The following SLC17A7 variants were observed in gnomAD, a reference collection of about 807,000 sequenced individuals.
The protein encoded by SLC17A7 is vesicular glutamate transporter 1.
SLC17A7 carries 15 observed loss-of-function variants against 59.1 expected under a neutral mutation model. The observed-to-expected ratio is 0.25, with a 90% confidence interval of 0.17 to 0.39. The LOEUF (loss-of-function observed/expected upper bound fraction) is 0.39, where lower values mean the gene tolerates loss of function less well. SLC17A7 is among the 10% of genes least tolerant of loss of function. The pLI, the probability that SLC17A7 is intolerant of heterozygous loss-of-function variation, is 1.00. For synonymous variants in SLC17A7, 353 were observed against 308.9 expected, an observed-to-expected ratio of 1.14 and a Z score of -1.50; for missense variants, 499 against 765.1, an observed-to-expected ratio of 0.65 and a Z score of 4.10.
chr19:49,432,681 G>T (rs763011390), intron 8 of SLC17A7, 30 bp from the exon 9 acceptor site: 1 of 1,606,518 alleles, frequency 6.2e-7, no homozygotes, highest in Non-Finnish European at 8.5e-7. Flanking sequence ...GGGACACTAG[G>T]GTTCGGGGCC....
chr19:49,432,096 C>T (rs1198881240), intron 9 of SLC17A7, among the ~76,000 whole-genome samples: 1 of 152,098 alleles, frequency 6.6e-6, no homozygotes, highest in Non-Finnish European at 1.5e-5. Context: ...TAGATGGGAC[C>T]ACAGGCGCGC....
At chr19:49,434,465 T>A in intron 5 of SLC17A7, 137 bp downstream of exon 5, 1 of 748,340 alleles carries the variant, frequency 1.3e-6, no homozygotes, top group Non-Finnish European at 2.0e-6. Flanking sequence ...GACCTGGGAG[T>A]CCAGGTCCAG....
In SLC17A7 at chr19:49,430,486, C is replaced by A; in HGVS notation, c.*33G>T. The A allele has an allele frequency of 6.6e-7, 1 of 1,505,842 alleles. No homozygotes were observed. 93.3% of individuals were successfully genotyped at this position (1,505,842 alleles called of 1,614,324 possible). ...GGCCAGAGATGAGTGGAATGGAGGT[C>A]CTGGAAACTGCCATTCAGTGGGAGG... On this transcript the variant is annotated 3_prime_UTR_variant, in exon 12 of 12. Transcript: ENST00000221485.
At chr19:49,435,402 T>C in intron 2 of SLC17A7, 116 bp from the exon 3 acceptor site, 1 of 698,424 alleles carries the variant, frequency 1.4e-6, no homozygotes. Flanking sequence ...CCCTCCCACC[T>C]CCAAAAGCCT....
rs748051761 is a variant in SLC17A7 at position 49,433,741 on chromosome 19, G to A, written c.852C>T (p.Leu284=). ...IEDAIGESAK[L]MNPLTKFSTP... ...GGTCCCGGACCGTGAGGGGGTTCAT[G>A]AGTTTCGCGCTCTCTCCGATGGCGT... The change falls in exon 7 of 12, where the codon CTC becomes CTT. Residue 284 remains leucine, a synonymous_variant. Transcript: ENST00000221485. This position sits in a 1 kb window ranked among gnomAD's most constrained non-coding sequence, Gnocchi z 5.7. 13 of 1,614,128 alleles carry A rather than the reference G, an allele frequency of 8.1e-6. No individual in the cohort carries two copies. The highest frequency in any genetic ancestry group is 5.5e-5 in the South Asian group (5 of 91,076).
chr19:49,432,459 C>T, intron 9 of SLC17A7, 60 bp downstream of exon 9: 1 of 1,562,918 alleles, frequency 6.4e-7, no homozygotes, highest in East Asian at 2.3e-5. Flanking sequence ...CATCACCTCT[C>T]AATCCGGCTC....
intron 2 of SLC17A7, 98 bp from the exon 3 acceptor site, chr19:49,435,384 C>T (rs925311548): frequency 1.3e-6 from 1 of 778,618 alleles, no homozygotes; most frequent in Non-Finnish European, 2.2e-6. Context: ...CTATCAGCAA[C>T]GAGGAACCCC....
chr19:49,435,325 C>T (rs2078976065), intron 2 of SLC17A7, 39 bp from the exon 3 acceptor site: 1 of 1,455,836 alleles, frequency 6.9e-7, no homozygotes, highest in Non-Finnish European at 9.6e-7. Context: ...CCGCCCTGTC[C>T]AGGCTCTGCC....
In SLC17A7 at chr19:49,433,653, C is replaced by G; in HGVS notation, c.867+73G>C. On this transcript the variant is annotated intron_variant, in intron 7 of 11. Coordinates refer to ENST00000221485, the MANE Select transcript of SLC17A7 (RefSeq NM_020309.4). This position sits in a 1 kb window ranked among gnomAD's most constrained non-coding sequence, Gnocchi z 5.7. ...CCTCTAGAGTCTGCAGGAACCGTCCCTGATCTACACGCTGTGCAGGTTCGT... is the reference window on the plus strand; with the variant it reads ...CCTCTAGAGTCTGCAGGAACCGTCCGTGATCTACACGCTGTGCAGGTTCGT... 1 of 1,583,314 alleles carries G rather than the reference C, an allele frequency of 6.3e-7. No individual in the cohort carries two copies. Among genetic ancestry groups the G allele is most frequent in the Non-Finnish European group, 8.6e-7 (1 of 1,162,456 alleles).
At position 49,429,488 on chromosome 19, in the gene SLC17A7, G is replaced by A. The variant is rs1361484740; in HGVS notation, c.*1031C>T. On this transcript the variant is annotated 3_prime_UTR_variant, in exon 12 of 12. Coordinates refer to ENST00000221485, the MANE Select transcript of SLC17A7 (RefSeq NM_020309.4). ...AGACACAAAGACACAACCCTGCACT[G>A]GGAAAAAACACCCCTGGCTCCTGCC... The A allele has an allele frequency of 2.5e-6, 1 of 398,920 alleles. No individual in the cohort carries two copies. Among genetic ancestry groups the A allele is most frequent in the Non-Finnish European group, 4.4e-6 (1 of 226,102 alleles). The allele number at this position is 398,920 out of a possible 1,614,324, so 24.7% of individuals were successfully genotyped here.
chr19:49,432,999 G>T (rs1220019585), intron 7 of SLC17A7, 39 bp from the exon 8 acceptor site: 1 of 1,576,612 alleles, frequency 6.3e-7, no homozygotes, highest in Non-Finnish European at 8.6e-7. Context: ...ACGGGGAGCG[G>T]GGCTGAGGGC....
At position 49,435,212 on chromosome 19, in the gene SLC17A7, A is replaced by C. The variant is rs1228128948; in HGVS notation, c.390T>G (p.Thr130=). Residue 130 remains threonine, a synonymous_variant, in exon 3 of 12, where the codon ACT becomes ACG. Transcript: ENST00000221485. ...HGSFFWGYIV[T]QIPGGFICQK... ...GACAGATAAATCCTCCTGGAATCTG[A>C]GTGACAATGTAGCCCCAGAAAAAGG... 6.2e-7 allele frequency: 1 copy of C among 1,614,160 alleles called. No individual in the cohort carries two copies. The highest frequency in any genetic ancestry group is 8.5e-7 in the Non-Finnish European group (1 of 1,180,006).
intron 3 of SLC17A7, 37 bp downstream of exon 3, chr19:49,435,131 T>C: frequency 6.8e-7 from 1 of 1,481,370 alleles, no homozygotes; most frequent in Non-Finnish European, 9.4e-7. Flanking sequence ...CCCACACAAC[T>C]GTAGTTACCG....
At chr19:49,434,098 G>C (rs755280190) in intron 5 of SLC17A7, 52 bp from the exon 6 acceptor site, 11 of 1,212,740 alleles carry the variant, frequency 9.1e-6, no homozygotes, top group African/African-American at 1.5e-5. Context: ...CTCAGATCAA[G>C]GAGTGCGGAC....
In SLC17A7 at chr19:49,441,367, G is replaced by T; in HGVS notation, c.13C>A (p.Gln5Lys). 1 of 1,600,938 alleles carries T rather than the reference G, an allele frequency of 6.2e-7. No individual in the cohort carries two copies. The highest frequency in any genetic ancestry group is 1.1e-5 in the South Asian group (1 of 89,544). ...CCCGCTAGCTTCCGAAACTCCTCCT[G>T]GCGGAACTCCATGGTGGCGGCTCCT... is the stretch of plus-strand genomic sequence containing the variant. MEFR[Q>K]EEFRKLAGRA... The change falls in exon 1 of 12, where the codon CAG becomes AAG. Residue 5 changes from glutamine (Q) to lysine (K), a missense_variant. Around this residue, in one of 3 missense-constraint regions of SLC17A7, gnomAD observed 78 missense variants for 80.4 expected, o/e 0.97. Transcript: ENST00000221485.
At position 49,432,791 on chromosome 19, in the gene SLC17A7, C is replaced by T. The variant is rs200536682; in HGVS notation, c.1017+20G>A. ...CGCCGACCCCTCCGCGCCCCCCTGC[C>T]CTCTCCTCCTGGGCTCTACCTTGCT... On this transcript the variant is annotated intron_variant, in intron 8 of 11. Coordinates refer to ENST00000221485, the MANE Select transcript of SLC17A7 (RefSeq NM_020309.4). The T allele has an allele frequency of 1.3e-5, 20 of 1,587,698 alleles. No homozygotes were observed. The African/African-American group carries it at 2.4e-4, about 19-fold the overall frequency.
intron 5 of SLC17A7, 125 bp downstream of exon 5, chr19:49,434,477 G>C: frequency 2.2e-6 from 2 of 916,196 alleles, no homozygotes; most frequent in Non-Finnish European, 3.2e-6. Context: ...CAGGTCCAGA[G>C]TCTCCTCCTC....
Position 49,433,961 on chromosome 19 carries a change from G to A in SLC17A7, c.723C>T (p.Tyr241=), listed in dbSNP as rs778846385. Residue 241 remains tyrosine, a splice_region_variant and synonymous_variant, in exon 6 of 12, where the codon TAC becomes TAT. Coordinates refer to ENST00000221485, the MANE Select transcript of SLC17A7 (RefSeq NM_020309.4). This position sits in a 1 kb window ranked among gnomAD's most constrained non-coding sequence, Gnocchi z 5.7. The part of the protein sequence containing the change: ...YSGWSSVFYV[Y]GSFGIFWYLF... ...GAACCAGGCATCCGGGTCCCTCACC[G>A]TAGACGTAGAAAACAGAGCTCCATC... 6 of 1,613,430 alleles carry A rather than the reference G, an allele frequency of 3.7e-6. No individual in the cohort carries two copies. The highest frequency in any genetic ancestry group is 1.3e-5 in the African/African-American group (1 of 74,868).
Position 49,432,570 on chromosome 19 carries a change from T to G in SLC17A7, c.1099A>C (p.Ser367Arg), listed in dbSNP as rs1432139527. Residue 367 changes from serine (S) to arginine (R), a missense_variant, in exon 9 of 12, where the codon AGC becomes CGC. Physicochemically the swap from Ser to Arg is moderately radical, Grantham distance 110 (BLOSUM62 -1). Coordinates refer to ENST00000221485, the MANE Select transcript of SLC17A7 (RefSeq NM_020309.4). ...TTGGTGGTGGACATGATGCGGCGGC[T>G]CCGCAGGAAGTCCGCGATCTGGCCG... ...IGGQIADFLR[S>R]RRIMSTTNVR... 1.9e-6 allele frequency: 3 copies of G among 1,610,600 alleles called. No individual in the cohort carries two copies. The African/African-American group carries it at 4.0e-5, about 21-fold the overall frequency.
Sources: allele counts gnomAD v4.1 joint callset (sites outside exome capture counted in the v4.1 genomes callset), GRCh38; gene constraint gnomAD v4.1.1; regional missense constraint gnomAD v4.1.1; non-coding constraint Gnocchi (gnomAD v3.1); transcripts MANE v1.5; gene names NCBI Gene and HGNC (gene_info 2026-07-23, HGNC 2026-07-21).